The following EPB41L1 variants were observed in gnomAD, a reference collection of about 807,000 sequenced individuals.
EPB41L1 encodes erythrocyte membrane protein band 4.1 like 1, also known as band 4.1-like protein 1.
EPB41L1 carries 29 observed loss-of-function variants against 97.8 expected under a neutral mutation model. That is an observed-to-expected ratio of 0.30 (90% confidence interval 0.22 to 0.40). The LOEUF (loss-of-function observed/expected upper bound fraction) is 0.40. Among genes scored for constraint, EPB41L1 ranks in the 10% least tolerant of loss-of-function variants. EPB41L1 has a pLI of 1.00. For missense variants in EPB41L1, 812 were observed against 1,162.3 expected, an observed-to-expected ratio of 0.70 and a Z score of 4.38; for synonymous variants, 383 against 459.2, an observed-to-expected ratio of 0.83 and a Z score of 2.12.
rs1398441114 is a variant in EPB41L1, at chr20:36,172,076, T to TTTATTTA, written c.-14-1685_-14-1679dup. On this transcript the variant is annotated intron_variant, in intron 1 of 21. Transcript: ENST00000338074. ...TAAAAAAGTACGTATGTATATTTTA[T>TTTATTTA]TTATTTATTTTAATTTAATTTTATT... 1.4e-3 allele frequency among the ~76,000 whole-genome samples: 219 copies of TTTATTTA among 152,272 alleles called. 1 individual carries two copies. The highest frequency in any genetic ancestry group is 4.6e-3 in the African/African-American group (193 of 41,554).
chr20:36,147,835 T>C (rs748338002), intron 2 of EPB41L1, among the ~76,000 whole-genome samples: 1 of 152,160 alleles, frequency 6.6e-6, no homozygotes, highest in Non-Finnish European at 1.5e-5. Flanking sequence ...GCTGTGATGA[T>C]GCAAACCTCA....
At chr20:36,204,991 C>G (rs1403085202) in intron 14 of EPB41L1, among the ~76,000 whole-genome samples, 5 of 152,198 alleles carry the variant, frequency 3.3e-5, no homozygotes, top group African/African-American at 1.2e-4. Context: ...TCTCTCCCTT[C>G]CTTGATGCAT....
chr20:36,134,815 C>G (rs1012984480), intron 2 of EPB41L1, among the ~76,000 whole-genome samples: 1 of 149,418 alleles, frequency 6.7e-6, no homozygotes, highest in Non-Finnish European at 1.5e-5. Context: ...GGTGCCTAAG[C>G]ATAATAAATA....
At chr20:36,134,849 TGTC>T (rs1053582878) in intron 2 of EPB41L1, among the ~76,000 whole-genome samples, 3 of 147,984 alleles carry the variant, frequency 2.0e-5, no homozygotes, top group Non-Finnish European at 3.0e-5. Flanking sequence ...GTGTTTTCTC[TGTC>T]TTTTTTTTTT....
intron 14 of EPB41L1, among the ~76,000 whole-genome samples, chr20:36,201,985 A>G (rs544186273): frequency 4.6e-5 from 7 of 152,356 alleles, no homozygotes; most frequent in African/African-American, 1.7e-4. Context: ...AATGAGCTAC[A>G]TAAGTGATAA....
chr20:36,177,715 C>A (rs2061307950), intron 3 of EPB41L1, among the ~76,000 whole-genome samples: 1 of 152,198 alleles, frequency 6.6e-6, no homozygotes, highest in South Asian at 2.1e-4. Flanking sequence ...GCTCAAAGTC[C>A]AGAAACCACC....
chr20:36,221,999 C>A (rs1005356422), intron 20 of EPB41L1, 55 bp downstream of exon 20: 2 of 1,572,526 alleles, frequency 1.3e-6, no homozygotes, highest in African/African-American at 1.3e-5. Flanking sequence ...TCAATCCCTC[C>A]TATGTTGGGT....
intron 1 of EPB41L1, among the ~76,000 whole-genome samples, chr20:36,103,202 C>T (rs1335411853): frequency 6.6e-6 from 1 of 152,204 alleles, no homozygotes; most frequent in Admixed American, 6.5e-5. Flanking sequence ...AGGGAGGTGG[C>T]TTTCACCGGG....
intron 2 of EPB41L1, among the ~76,000 whole-genome samples, chr20:36,139,693 CA>C (rs2059560037): frequency 6.6e-6 from 1 of 151,584 alleles, no homozygotes; most frequent in African/African-American, 2.4e-5. Flanking sequence ...CCCATCTGTG[CA>C]GTAAAGGGAT....
At chr20:36,110,340 A>G (rs1369347891) in intron 1 of EPB41L1, among the ~76,000 whole-genome samples, 2 of 152,218 alleles carry the variant, frequency 1.3e-5, no homozygotes, top group East Asian at 3.8e-4. Context: ...TGCTGATCAC[A>G]TAGCAAGTTG....
At chr20:36,187,484 T>G (rs2061731822) in intron 7 of EPB41L1, among the ~76,000 whole-genome samples, 192 bp from the exon 8 acceptor site, 1 of 152,002 alleles carries the variant, frequency 6.6e-6, no homozygotes, top group Admixed American at 6.6e-5. Flanking sequence ...TTGGCAGAAG[T>G]TGGGGGTTGG....
rs187695469 is a variant in EPB41L1 at position 36,167,041 on chromosome 20, A to G, written c.-14-6723A>G. Among the ~76,000 whole-genome samples the G allele has an allele frequency of 4.1e-3, 625 of 152,262 alleles. 3 individuals carry two copies. Among genetic ancestry groups the G allele is most frequent in the South Asian group, 6.6e-3 (32 of 4,820 alleles). On this transcript the variant is annotated intron_variant, in intron 1 of 21. Coordinates refer to ENST00000338074, the MANE Select transcript of EPB41L1 (RefSeq NM_012156.2). ...CCTTAACAATGGTTAACAATGGCAA[A>G]ATGAAACAAAAACAAAACAATCTAG...
intron 14 of EPB41L1, among the ~76,000 whole-genome samples, chr20:36,199,568 G>A (rs1266749191): frequency 2.0e-5 from 3 of 152,216 alleles, no homozygotes; most frequent in Non-Finnish European, 2.9e-5. Context: ...TGGTTTGTGA[G>A]TCACAGAATT....
intron 1 of EPB41L1, among the ~76,000 whole-genome samples, chr20:36,098,129 C>A (rs1380650535): frequency 6.6e-6 from 1 of 152,140 alleles, no homozygotes; most frequent in Non-Finnish European, 1.5e-5. Context: ...AAGCTTTTTC[C>A]TCTGTAAGCC....
intron 2 of EPB41L1, among the ~76,000 whole-genome samples, chr20:36,119,640 G>A (rs1260312473): frequency 6.7e-6 from 1 of 149,810 alleles, no homozygotes; most frequent in African/African-American, 2.5e-5. Context: ...GGAAGCGGAG[G>A]GGAGAGGAGG....
At position 36,190,927 on chromosome 20, in the gene EPB41L1, C is replaced by A; in HGVS notation, c.1300+130C>A. 1.6e-6 allele frequency: 2 copies of A among 1,283,822 alleles called. No individual in the cohort carries two copies. The highest frequency in any genetic ancestry group is 2.2e-6 in the Non-Finnish European group (2 of 918,560). The allele number at this position is 1,283,822 out of a possible 1,614,324, so 79.5% of individuals were successfully genotyped here. A position where few individuals can be genotyped will look rare whatever the true frequency, so the allele number is the denominator to read the frequency against. ...CCCAAGTTCATCTGCACCAGGCTGG[C>A]CCCTCAAGACCAGTGCTGTCCCTGG... On this transcript the variant is annotated intron_variant, in intron 11 of 21. Transcript: ENST00000338074. The surrounding 1 kb of genome is among the most constrained non-coding windows in gnomAD (Gnocchi z 5.8).
At chr20:36,183,203 A>G (rs2061540165) in intron 6 of EPB41L1, among the ~76,000 whole-genome samples, 1 of 152,036 alleles carries the variant, frequency 6.6e-6, no homozygotes, top group African/African-American at 2.4e-5. Flanking sequence ...TGGGCCTTAT[A>G]CTCCCAACAT....
chr20:36,125,420 C>T, intron 2 of EPB41L1: 1 of 740,864 alleles, frequency 1.3e-6, no homozygotes, highest in Admixed American at 2.0e-5. Flanking sequence ...CATCTGTAAA[C>T]AGGCTGCTGT....
chr20:36,229,219 C>G, intron 21 of EPB41L1, 113 bp from the exon 22 acceptor site: 1 of 909,332 alleles, frequency 1.1e-6, no homozygotes, highest in Non-Finnish European at 1.8e-6. Context: ...CAAAAACAAC[C>G]TCTTGCCATG....
Sources: gnomAD v4.1 joint callset for allele counts (sites outside exome capture counted in the v4.1 genomes callset) on GRCh38, gnomAD v4.1.1 for gene constraint, Gnocchi (gnomAD v3.1) non-coding constraint, MANE v1.5 for transcripts, NCBI Gene and HGNC (gene_info 2026-07-23, HGNC 2026-07-21) for gene names.